TIAL1: variants seen among roughly 807,000 people sequenced by gnomAD.
The protein encoded by TIAL1 is nucleolysin TIAR.
A neutral mutation model predicts 59.7 loss-of-function variants in TIAL1; 7 were observed. The ratio of observed to expected loss-of-function variants is 0.12; its 90% CI spans 0.07 to 0.22. TIAL1 has a LOEUF of 0.22. Ranked by LOEUF, TIAL1 falls within the 10% of genes least tolerant of loss-of-function variation. The pLI is 1.00. For synonymous variants in TIAL1, 149 were observed against 146.3 expected (o/e 1.02, Z -0.13); for missense variants, 225 against 462.5 (o/e 0.49, Z 4.71).
At chr10:119,579,203 T>C (rs1845180993) in intron 6 of TIAL1, among the ~76,000 whole-genome samples, 1 of 152,108 alleles carries the variant, frequency 6.6e-6, no homozygotes, top group Non-Finnish European at 1.5e-5. Context: ...CTGGGTGTGG[T>C]GGCACATGCT....
At chr10:119,595,361 G>A (rs1846110512) in intron 1 of TIAL1, among the ~76,000 whole-genome samples, 1 of 151,782 alleles carries the variant, frequency 6.6e-6, no homozygotes, top group Middle Eastern at 3.2e-3. Context: ...GGTACTCAAG[G>A]TAGGAGTGCT....
rs1845364483 is a variant in TIAL1 at position 119,582,849 on chromosome 10, T to C, written c.130-292A>G. Among the ~76,000 whole-genome samples, 2 of 152,134 alleles carry C rather than the reference T, an allele frequency of 1.3e-5. No individual in the cohort carries two copies. The highest frequency in any genetic ancestry group is 1.3e-4 in the Admixed American group (2 of 15,274). On this transcript the variant is annotated intron_variant, in intron 2 of 11. Transcript: ENST00000436547. The surrounding 1 kb of genome is among the most constrained non-coding windows in gnomAD (Gnocchi z 5.1). ...GTGTTAAATATAAAATAGAAGATTA[T>C]ATTAAACCAAACAAAACCTCAAACT...
chr10:119,587,245 T>C (rs554154388), intron 2 of TIAL1, among the ~76,000 whole-genome samples: 2 of 152,336 alleles, frequency 1.3e-5, no homozygotes, highest in Admixed American at 6.5e-5. Context: ...ACTACAACCA[T>C]GCTACGGGTT....
intron 2 of TIAL1, among the ~76,000 whole-genome samples, chr10:119,583,565 A>G (rs1363242662): frequency 6.6e-6 from 1 of 152,226 alleles, no homozygotes; most frequent in African/African-American, 2.4e-5. Flanking sequence ...TTCAATGTAA[A>G]ATGCCCTATA....
At chr10:119,580,034 T>G in intron 5 of TIAL1, 24 bp from the exon 6 acceptor site, 1 of 1,594,378 alleles carries the variant, frequency 6.3e-7, no homozygotes, top group Non-Finnish European at 8.5e-7. Flanking sequence ...CACAGCTAAA[T>G]GAGGGAAGTA....
rs921194429 is a variant in TIAL1, at chr10:119,580,936, C to G, written c.372-926G>C. The G allele has an allele frequency of 7.1e-6, 4 of 564,152 alleles. No individual in the cohort carries two copies. The African/African-American group carries it at 8.2e-5, about 12-fold the overall frequency. 34.9% of individuals were successfully genotyped at this position (564,152 alleles called of 1,614,324 possible). On this transcript the variant is annotated intron_variant, in intron 5 of 11. Transcript: ENST00000436547. ...TCAGGTATAAATAAAGATTGAAAAA[C>G]AGCAACCTGTATTATTTTTATATTG...
At chr10:119,589,719 CAG>C (rs1845754607) in intron 1 of TIAL1, among the ~76,000 whole-genome samples, 1 of 152,126 alleles carries the variant, frequency 6.6e-6, no homozygotes, top group Non-Finnish European at 1.5e-5. Flanking sequence ...CTTCATCACA[CAG>C]AGAGGACCAC....
rs1266841439 is a variant in TIAL1, at chr10:119,574,784, C to T, written c.*881G>A. The T allele has an allele frequency of 2.0e-5, 3 of 152,498 alleles. No homozygotes were observed. The highest frequency in any genetic ancestry group is 1.9e-4 in the East Asian group (1 of 5,200). 9.4% of individuals were successfully genotyped at this position (152,498 alleles called of 1,614,324 possible). Reference sequence around the variant, plus strand: ...GATCAATCCACTGCATTCAATGCAGCGGAGTGTGTTAAGTGTTACTTCAAA... The same window carrying T: ...GATCAATCCACTGCATTCAATGCAGTGGAGTGTGTTAAGTGTTACTTCAAA... On this transcript the variant is annotated 3_prime_UTR_variant, in exon 12 of 12. Coordinates refer to ENST00000436547, the MANE Select transcript of TIAL1 (RefSeq NM_003252.4).
intron 1 of TIAL1, 79 bp from the exon 2 acceptor site, chr10:119,588,327 T>TTTTCTTTC (rs72518192): frequency 2.0e-5 from 10 of 498,584 alleles, no homozygotes; most frequent in Admixed American, 7.6e-5. Flanking sequence ...ATTCATCACC[T>TTTTCTTTC]TTTCTTTCTT....
At position 119,576,995 on chromosome 10, in the gene TIAL1, T is replaced by C. The variant is rs764892804; in HGVS notation, c.861+85A>G. ...CTGAAAGTAGCTATATGCTTTATTT[T>C]ATTGTTCATTTTACAGAGTTTCCAA... On this transcript the variant is annotated intron_variant, in intron 10 of 11. Transcript: ENST00000436547. The C allele has an allele frequency of 1.1e-5, 17 of 1,523,014 alleles. No homozygotes were observed. The Middle Eastern group carries it at 5.2e-4, about 46-fold the overall frequency. 94.3% of individuals were successfully genotyped at this position (1,523,014 alleles called of 1,614,324 possible). A position where few individuals can be genotyped will look rare whatever the true frequency, so the allele number is the denominator to read the frequency against.
At position 119,582,116 on chromosome 10, in the gene TIAL1, C is replaced by A. The variant is rs1845334714; in HGVS notation, c.283+53G>T. The A allele has an allele frequency of 1.3e-6, 2 of 1,598,258 alleles. No individual in the cohort carries two copies. Among genetic ancestry groups the A allele is most frequent in the Non-Finnish European group, 8.5e-7 (1 of 1,172,950 alleles). On this transcript the variant is annotated intron_variant, in intron 4 of 11. Coordinates refer to ENST00000436547, the MANE Select transcript of TIAL1 (RefSeq NM_003252.4). The surrounding 1 kb of genome is among the most constrained non-coding windows in gnomAD (Gnocchi z 5.1). ...AAAAACCTATTTAAGCTGGTAATGCCTCCTGGATAATTTCAGAACTCTTCC... is the reference window on the plus strand; with the variant it reads ...AAAAACCTATTTAAGCTGGTAATGCATCCTGGATAATTTCAGAACTCTTCC...
Position 119,582,369 on chromosome 10 carries a change from A to G in TIAL1, c.228+90T>C, listed in dbSNP as rs1845345531. ...CAAAACCATCACTCAGCAGCCGAAT[A>G]TCTGCTCAAAAATTTGCCTAGAAAG... On this transcript the variant is annotated intron_variant, in intron 3 of 11. Coordinates refer to ENST00000436547, the MANE Select transcript of TIAL1 (RefSeq NM_003252.4). This position sits in a 1 kb window ranked among gnomAD's most constrained non-coding sequence, Gnocchi z 5.1. 6.7e-7 allele frequency: 1 copy of G among 1,496,474 alleles called. No individual in the cohort carries two copies. The highest frequency in any genetic ancestry group is 1.4e-5 in the South Asian group (1 of 72,760). The allele number at this position is 1,496,474 out of a possible 1,614,324, so 92.7% of individuals were successfully genotyped here. A position where few individuals can be genotyped will look rare whatever the true frequency, so the allele number is the denominator to read the frequency against.
intron 2 of TIAL1, among the ~76,000 whole-genome samples, chr10:119,584,743 C>T (rs61874721): frequency 0.047 from 7,185 of 152,034 alleles, 267 homozygotes; most frequent in South Asian, 0.2. Context: ...GCAGGAGAAT[C>T]GTTTGAACCT....
rs757774705 is a variant in TIAL1 at position 119,577,035 on chromosome 10, A to G, written c.861+45T>C. The G allele has an allele frequency of 3.7e-6, 6 of 1,604,846 alleles. No homozygotes were observed. In the African/African-American group the frequency reaches 4.0e-5, roughly 11 times the overall value. On this transcript the variant is annotated intron_variant, in intron 10 of 11. Transcript: ENST00000436547. ...AGAGTTTCCAAAGCTTTTATGTGACATGTAAGATGGAAACCTTAAAGAATG... is the reference window on the plus strand; with the variant it reads ...AGAGTTTCCAAAGCTTTTATGTGACGTGTAAGATGGAAACCTTAAAGAATG...
At chr10:119,587,772 G>GCA (rs1233207574) in intron 2 of TIAL1, among the ~76,000 whole-genome samples, 2 of 152,196 alleles carry the variant, frequency 1.3e-5, no homozygotes, top group Non-Finnish European at 2.9e-5. Flanking sequence ...GAACGGTGCT[G>GCA]CACACTACAC....
chr10:119,584,962 AAAT>A (rs1352656443), intron 2 of TIAL1, among the ~76,000 whole-genome samples: 1 of 151,482 alleles, frequency 6.6e-6, no homozygotes, highest in Non-Finnish European at 1.5e-5. Context: ...AAAAATAAAA[AAAT>A]AAAAAATATT....
Position 119,573,993 on chromosome 10 carries a change from A to G in TIAL1, c.*1672T>C, listed in dbSNP as rs1844830458. 1.3e-5 allele frequency: 2 copies of G among 152,636 alleles called. No homozygotes were observed. Among genetic ancestry groups the G allele is most frequent in the Admixed American group, 1.3e-4 (2 of 15,276 alleles). The allele number at this position is 152,636 out of a possible 1,614,324, so 9.5% of individuals were successfully genotyped here. ...TTTTAAAGCTAATCGTAAAACTTCAAATGTTTAGAAAACAGTAATTTGTGG... is the reference window on the plus strand; with the variant it reads ...TTTTAAAGCTAATCGTAAAACTTCAGATGTTTAGAAAACAGTAATTTGTGG... On this transcript the variant is annotated 3_prime_UTR_variant, in exon 12 of 12. Coordinates refer to ENST00000436547, the MANE Select transcript of TIAL1 (RefSeq NM_003252.4).
At chr10:119,588,679 C>T (rs1589878754) in intron 1 of TIAL1, among the ~76,000 whole-genome samples, 2 of 152,200 alleles carry the variant, frequency 1.3e-5, no homozygotes, top group African/African-American at 2.4e-5. Flanking sequence ...CTGTTTTCAA[C>T]AAAATTTCTC....
At chr10:119,592,941 A>G (rs1460776650) in intron 1 of TIAL1, among the ~76,000 whole-genome samples, 1 of 152,196 alleles carries the variant, frequency 6.6e-6, no homozygotes, top group Non-Finnish European at 1.5e-5. Flanking sequence ...TTGTTCTTAG[A>G]TGTTCAGATT....
Sources: gnomAD v4.1 joint callset for allele counts (sites outside exome capture counted in the v4.1 genomes callset) on GRCh38, gnomAD v4.1.1 for gene constraint, Gnocchi (gnomAD v3.1) non-coding constraint, MANE v1.5 for transcripts, NCBI Gene and HGNC (gene_info 2026-07-23, HGNC 2026-07-21) for gene names.